CAGE1: variants seen among roughly 807,000 people sequenced by gnomAD.
CAGE1 encodes the protein cancer antigen 1.
A neutral mutation model predicts 94.9 loss-of-function variants in CAGE1; 66 were observed. That is an observed-to-expected ratio of 0.70 (90% confidence interval 0.57 to 0.85). The LOEUF (loss-of-function observed/expected upper bound fraction) is 0.85. CAGE1 is among the 40% of genes least tolerant of loss of function. The probability of loss-of-function intolerance (pLI) is 0.00; values close to 1 mark genes in which losing one functional copy is unlikely to be tolerated. For synonymous variants in CAGE1, 319 were observed against 321.0 expected (o/e 0.99, Z 0.07); for missense variants, 865 against 950.4 (o/e 0.91, Z 1.18).
intron 11 of CAGE1, among the ~76,000 whole-genome samples, chr6:7,346,857 CA>C (rs71780305): frequency 1.1e-3 from 137 of 119,748 alleles, no homozygotes; most frequent in Admixed American, 1.4e-3. Flanking sequence ...GACTCTATCT[CA>C]AAAAAAAAAA....
At chr6:7,363,137 G>A (rs952611144) in intron 9 of CAGE1, among the ~76,000 whole-genome samples, 2 of 152,144 alleles carry the variant, frequency 1.3e-5, no homozygotes, top group East Asian at 3.9e-4. Flanking sequence ...GGGTGTGGTG[G>A]TGGGTGCTTG....
rs144890735 is a variant in CAGE1, at chr6:7,389,732, C to A, written c.-554G>T. 1,165 of 563,408 alleles carry A rather than the reference C, an allele frequency of 2.1e-3. 9 individuals carry two copies. Among genetic ancestry groups the A allele is most frequent in the Middle Eastern group, 0.014 (29 of 2,094 alleles). The allele number at this position is 563,408 out of a possible 1,614,324, so 34.9% of individuals were successfully genotyped here. A position where few individuals can be genotyped will look rare whatever the true frequency, so the allele number is the denominator to read the frequency against. On this transcript the variant is annotated 5_prime_UTR_variant, in exon 1 of 14. Coordinates refer to ENST00000502583, the MANE Select transcript of CAGE1 (RefSeq NM_001170692.2). ...CCACAGCCCTATACAGCGCGCCATCCAGAGAGCTCCGGACTCCCAGCTCGG... is the reference window on the plus strand; with the variant it reads ...CCACAGCCCTATACAGCGCGCCATCAAGAGAGCTCCGGACTCCCAGCTCGG...
In CAGE1 at chr6:7,339,881, C is replaced by A. The variant is rs562784414; in HGVS notation, c.2370-5791G>T. On this transcript the variant is annotated intron_variant, in intron 11 of 13. Coordinates refer to ENST00000502583, the MANE Select transcript of CAGE1 (RefSeq NM_001170692.2). This position sits in a 1 kb window ranked among gnomAD's most constrained non-coding sequence, Gnocchi z 4.7. ...TTCAAATTGTGCTGCTATAAACATG[C>A]ATGTGCAAGTATCTTTTTTGAATAA... Among the ~76,000 whole-genome samples, 9 of 152,200 alleles carry A rather than the reference C, an allele frequency of 5.9e-5. No homozygotes were observed. Among genetic ancestry groups the A allele is most frequent in the African/African-American group, 1.9e-4 (8 of 41,458 alleles).
intron 11 of CAGE1, among the ~76,000 whole-genome samples, chr6:7,348,889 A>C (rs764407947): frequency 6.6e-6 from 1 of 152,218 alleles, no homozygotes; most frequent in Non-Finnish European, 1.5e-5. Flanking sequence ...AAATATGAAC[A>C]AAGCCTCCAA....
rs181545821 is a variant in CAGE1, at chr6:7,345,229, C to T, written c.2369+9812G>A. Among the ~76,000 whole-genome samples the T allele has an allele frequency of 6.0e-3, 894 of 149,098 alleles. 8 individuals are homozygous for T. The highest frequency in any genetic ancestry group is 8.9e-3 in the Non-Finnish European group (607 of 67,978). ...CTTTGAAGTTAGTATAAGCTACCAG[C>T]CTACCAAGAAGAAGGAACAACTCCA... On this transcript the variant is annotated intron_variant, in intron 11 of 13. Transcript: ENST00000502583.
chr6:7,348,304 C>T (rs1021581063), intron 11 of CAGE1, among the ~76,000 whole-genome samples: 4 of 152,128 alleles, frequency 2.6e-5, no homozygotes, highest in African/African-American at 9.7e-5. Context: ...TGCTGGGTGG[C>T]TAGACCCCAA....
At chr6:7,352,290 C>CAAAAAAAAAAA (rs77426667) in intron 11 of CAGE1, among the ~76,000 whole-genome samples, 9 of 43,580 alleles carry the variant, frequency 2.1e-4, no homozygotes, top group East Asian at 5.4e-4. Context: ...ACAATAGCTG[C>CAAAAAAAAAAA]AAAAAAAAAA....
chr6:7,329,122 G>A (rs907718758), intron 13 of CAGE1: 7 of 337,792 alleles, frequency 2.1e-5, no homozygotes, highest in South Asian at 1.1e-4. Context: ...TAATAGAGAC[G>A]AGGGTTCCCC....
At chr6:7,359,593 T>C (rs1299370148) in intron 9 of CAGE1, among the ~76,000 whole-genome samples, 3 of 152,100 alleles carry the variant, frequency 2.0e-5, no homozygotes, top group Non-Finnish European at 4.4e-5. Context: ...GGAAGTCCTT[T>C]TGGAGAGCTG....
chr6:7,334,744 G>GAAAAAAAAAAAAAAAAAA (rs1758892799), intron 11 of CAGE1, among the ~76,000 whole-genome samples: 1 of 104,902 alleles, frequency 9.5e-6, no homozygotes, highest in African/African-American at 5.1e-5. Flanking sequence ...AAAAAAAAAG[G>GAAAAAAAAAAAAAAAAAA]AAAGAAAGAA....
At chr6:7,378,133 G>A (rs1760817351) in intron 4 of CAGE1, among the ~76,000 whole-genome samples, 1 of 152,018 alleles carries the variant, frequency 6.6e-6, no homozygotes, top group Admixed American at 6.6e-5. Flanking sequence ...TATTCAGACT[G>A]CTCTGTCTAC....
intron 11 of CAGE1, among the ~76,000 whole-genome samples, chr6:7,345,835 G>A (rs1297789952): frequency 6.6e-6 from 1 of 152,138 alleles, no homozygotes. Flanking sequence ...TGAGGCAGGA[G>A]AATGGTGTGA....
chr6:7,337,688 C>G (rs143702821), intron 11 of CAGE1, among the ~76,000 whole-genome samples: 2 of 152,310 alleles, frequency 1.3e-5, no homozygotes, highest in African/African-American at 4.8e-5. Flanking sequence ...GGGTCCAGGT[C>G]TGCATTCCCT....
At chr6:7,377,146 C>A (rs145308906) in intron 4 of CAGE1, among the ~76,000 whole-genome samples, 2,119 of 152,150 alleles carry the variant, frequency 0.014, 48 homozygotes, top group African/African-American at 0.048. Context: ...TTCATGAGGA[C>A]AAGAACTACA....
At chr6:7,345,095 T>G (rs1023281061) in intron 11 of CAGE1, among the ~76,000 whole-genome samples, 2 of 152,144 alleles carry the variant, frequency 1.3e-5, no homozygotes, top group African/African-American at 4.8e-5. Context: ...CTGCAGTAAA[T>G]CTTAACTCTT....
At chr6:7,340,784 G>A (rs973639471) in intron 11 of CAGE1, 37 of 360,990 alleles carry the variant, frequency 1.0e-4, no homozygotes, top group African/African-American at 5.4e-4. Flanking sequence ...AGAGCTACTC[G>A]TTGGGAGGCA....
chr6:7,360,474 C>T (rs1760129438), intron 9 of CAGE1, among the ~76,000 whole-genome samples: 1 of 152,310 alleles, frequency 6.6e-6, no homozygotes, highest in Admixed American at 6.5e-5. Flanking sequence ...GTCTTACACT[C>T]TGATAGTGTC....
At position 7,356,078 on chromosome 6, in the gene CAGE1, G is replaced by C. The variant is rs1408236048; in HGVS notation, c.2245C>G (p.Leu749Val). The C allele has an allele frequency of 1.9e-6, 3 of 1,550,488 alleles. No homozygotes were observed. The highest frequency in any genetic ancestry group is 1.2e-5 in the South Asian group (1 of 84,018). Reference protein sequence around the residue: ...LESKENHCNRLIEENDKYQRH... With the variant: ...LESKENHCNRVIEENDKYQRH... The stretch of plus-strand genomic sequence containing the variant: ...TGATACTTGTCATTTTCTTCAATGA[G>C]TCTGTTGCAGTGGTTTTCTTTTGAC... The change falls in exon 10 of 14, where the codon CTC becomes GTC. Residue 749 changes from leucine to valine, a missense_variant. Coordinates refer to ENST00000502583, the MANE Select transcript of CAGE1 (RefSeq NM_001170692.2).
intron 11 of CAGE1, chr6:7,338,744 T>G: frequency 7.3e-6 from 5 of 683,160 alleles, no homozygotes; most frequent in Non-Finnish European, 7.9e-6. Flanking sequence ...GTCCACTGTA[T>G]CATTCTTTTT....
Sources: gnomAD v4.1 joint callset for allele counts (sites outside exome capture counted in the v4.1 genomes callset) on GRCh38, gnomAD v4.1.1 for gene constraint, Gnocchi (gnomAD v3.1) non-coding constraint, MANE v1.5 for transcripts, NCBI Gene and HGNC (gene_info 2026-07-23, HGNC 2026-07-21) for gene names.